THSD7B: variants seen among roughly 807,000 people sequenced by gnomAD.
THSD7B encodes thrombospondin type 1 domain containing 7B, also known as thrombospondin type-1 domain-containing protein 7B.
In THSD7B, 138 loss-of-function variants were observed where a neutral mutation model predicts 213.6. The observed-to-expected ratio is 0.65, with a 90% CI of 0.56 to 0.74. The LOEUF (loss-of-function observed/expected upper bound fraction) is 0.74, where lower values mean the gene tolerates loss of function less well. Among genes scored for constraint, THSD7B ranks in the 30% least tolerant of loss-of-function variants. THSD7B has a pLI of 0.00. For synonymous variants in THSD7B, 742 were observed against 687.0 expected (o/e 1.08, Z -1.25); for missense variants, 1,931 against 1,991.5 (o/e 0.97, Z 0.58).
chr2:136,823,432 G>T (rs914354721), intron 1 of THSD7B, among the ~76,000 whole-genome samples: 1 of 152,122 alleles, frequency 6.6e-6, no homozygotes, highest in African/African-American at 2.4e-5. Context: ...TTTTGACGAC[G>T]CAAGACGGAC....
intron 12 of THSD7B, among the ~76,000 whole-genome samples, chr2:137,369,044 A>G (rs1685483513): frequency 6.9e-6 from 1 of 145,572 alleles, no homozygotes; most frequent in Non-Finnish European, 1.5e-5. Flanking sequence ...TCACTTTCAC[A>G]CCCAAGCCAC....
intron 3 of THSD7B, among the ~76,000 whole-genome samples, chr2:137,064,720 A>G (rs984621037): frequency 6.6e-6 from 1 of 152,004 alleles, no homozygotes; most frequent in African/African-American, 2.4e-5. Context: ...ATTCTTCTGC[A>G]TAGGGATATC....
At chr2:137,625,718 T>C (rs996292669) in intron 20 of THSD7B, among the ~76,000 whole-genome samples, 2 of 152,180 alleles carry the variant, frequency 1.3e-5, no homozygotes, top group Non-Finnish European at 2.9e-5. Context: ...CTATGGCTTT[T>C]TCAGGTGGGC....
chr2:137,375,863 A>G (rs1685642171), intron 12 of THSD7B, among the ~76,000 whole-genome samples: 1 of 152,220 alleles, frequency 6.6e-6, no homozygotes, highest in African/African-American at 2.4e-5. Flanking sequence ...TCAGCTTTGT[A>G]CATAACAGAC....
intron 2 of THSD7B, among the ~76,000 whole-genome samples, chr2:136,910,201 A>G (rs1011971119): frequency 2.0e-5 from 3 of 151,966 alleles, no homozygotes; most frequent in Non-Finnish European, 4.4e-5. Flanking sequence ...TGGAGTATAA[A>G]CAAAACATGC....
At chr2:136,933,131 CCTTCCT>C (rs1684661294) in intron 2 of THSD7B, among the ~76,000 whole-genome samples, 3 of 57,290 alleles carry the variant, frequency 5.2e-5, no homozygotes, top group African/African-American at 1.1e-4. Flanking sequence ...TTCCTTCCTT[CCTTCCT>C]TCCTTCCTTC....
At chr2:137,664,909 T>C (rs576369226) in intron 26 of THSD7B, among the ~76,000 whole-genome samples, 1 of 152,260 alleles carries the variant, frequency 6.6e-6, no homozygotes, top group East Asian at 1.9e-4. Flanking sequence ...CAGGCAAATA[T>C]ACCCTAGGAA....
intron 2 of THSD7B, among the ~76,000 whole-genome samples, chr2:136,955,378 C>T (rs1363510176): frequency 6.6e-6 from 1 of 152,176 alleles, no homozygotes; most frequent in African/African-American, 2.4e-5. Flanking sequence ...AAATTAGCCT[C>T]ACTCCAGAAG....
chr2:137,004,011 C>G (rs1413452242), intron 2 of THSD7B, among the ~76,000 whole-genome samples: 1 of 152,152 alleles, frequency 6.6e-6, no homozygotes, highest in African/African-American at 2.4e-5. Context: ...CCTTCACCCT[C>G]CCCTGTTGCT....
At chr2:137,532,492 A>G (rs1020569153) in intron 15 of THSD7B, among the ~76,000 whole-genome samples, 1 of 151,874 alleles carries the variant, frequency 6.6e-6, no homozygotes, top group African/African-American at 2.4e-5. Flanking sequence ...TTTAGATTTA[A>G]TTTGATGGGA....
intron 17 of THSD7B, among the ~76,000 whole-genome samples, chr2:137,576,041 G>T (rs1308784350): frequency 6.6e-6 from 1 of 152,054 alleles, no homozygotes; most frequent in Non-Finnish European, 1.5e-5. Flanking sequence ...TTCTTCAAGA[G>T]AAGTTTATAA....
intron 21 of THSD7B, among the ~76,000 whole-genome samples, chr2:137,645,057 G>C (rs1683005314): frequency 6.6e-6 from 1 of 152,046 alleles, no homozygotes; most frequent in South Asian, 2.1e-4. Context: ...TTTTGGTCAT[G>C]GTTCTGCCAA....
chr2:137,589,069 C>T (rs767401066), intron 17 of THSD7B, among the ~76,000 whole-genome samples: 9 of 152,062 alleles, frequency 5.9e-5, no homozygotes, highest in Middle Eastern at 3.2e-3. Flanking sequence ...TGTGAGCCAC[C>T]GCACCTGGCC....
At chr2:136,918,872 C>G (rs140396330) in intron 2 of THSD7B, among the ~76,000 whole-genome samples, 1 of 152,158 alleles carries the variant, frequency 6.6e-6, no homozygotes, top group Non-Finnish European at 1.5e-5. Flanking sequence ...CTCTCTATAT[C>G]GTACCATTCT....
intron 2 of THSD7B, among the ~76,000 whole-genome samples, chr2:136,998,916 ACACACACACACACACAC>A (rs1685948770): frequency 3.5e-5 from 3 of 85,702 alleles, no homozygotes; most frequent in South Asian, 2.9e-4. Flanking sequence ...ACAGACACAC[ACACACACACACACACAC>A]ACACACACAC....
chr2:136,782,680 C>A (rs1157731381), intron 1 of THSD7B, among the ~76,000 whole-genome samples: 1 of 152,080 alleles, frequency 6.6e-6, no homozygotes, highest in Non-Finnish European at 1.5e-5. Flanking sequence ...GAATAATTTT[C>A]AAGTGATCTA....
In THSD7B at chr2:137,089,282, A is replaced by G. The variant is rs1344825772; in HGVS notation, c.951-5591A>G. Among the ~76,000 whole-genome samples, 24 of 150,132 alleles carry G rather than the reference A, an allele frequency of 1.6e-4. 1 individual carries two copies. Among genetic ancestry groups the G allele is most frequent in the African/African-American group, 5.6e-4 (23 of 40,812 alleles). On this transcript the variant is annotated intron_variant, in intron 3 of 27. Coordinates refer to ENST00000409968, the MANE Select transcript of THSD7B (RefSeq NM_001316349.2). ...TGTGTGTGTGTGTGTGTGTATATGT[A>G]TATATACATATATATGTGTGTGTAT...
chr2:137,475,787 C>G (rs2105098279), intron 15 of THSD7B, among the ~76,000 whole-genome samples: 1 of 152,134 alleles, frequency 6.6e-6, no homozygotes, highest in Middle Eastern at 3.4e-3. Context: ...CATGGGGGTG[C>G]CAAGATCATT....
intron 7 of THSD7B, among the ~76,000 whole-genome samples, chr2:137,224,620 G>T (rs1322786361): frequency 6.6e-6 from 1 of 152,182 alleles, no homozygotes; most frequent in African/African-American, 2.4e-5. Context: ...GGACATAACA[G>T]TATGTTTCTG....
Sources: allele counts gnomAD v4.1 joint callset (sites outside exome capture counted in the v4.1 genomes callset), GRCh38; gene constraint gnomAD v4.1.1; transcripts MANE v1.5; gene names NCBI Gene and HGNC (gene_info 2026-07-23, HGNC 2026-07-21).